The following ESRRB variants were observed in gnomAD, a reference collection of about 807,000 sequenced individuals.
The protein encoded by ESRRB is steroid hormone receptor ERR2.
ESRRB carries 16 observed loss-of-function variants against 46.0 expected under a neutral mutation model. The ratio of observed to expected loss-of-function variants is 0.35; its 90% confidence interval spans 0.24 to 0.53. The LOEUF is 0.53. Among genes scored for constraint, ESRRB ranks in the 20% least tolerant of loss-of-function variants. The probability of loss-of-function intolerance (pLI) is 0.93; values close to 1 mark genes in which losing one functional copy is unlikely to be tolerated. For synonymous variants in ESRRB, 246 were observed against 259.6 expected (o/e 0.95, Z 0.50); for missense variants, 488 against 607.4 (o/e 0.80, Z 2.07).
At chr14:76,474,899 G>A (rs1488024440) in intron 3 of ESRRB, among the ~76,000 whole-genome samples, 1 of 151,730 alleles carries the variant, frequency 6.6e-6, no homozygotes, top group Non-Finnish European at 1.5e-5. Flanking sequence ...TCCAGCCTGG[G>A]CAACATAGTG....
At position 76,351,962 on chromosome 14, in the gene ESRRB, G is replaced by C. The variant is rs546571069; in HGVS notation, c.2+41046G>C. ...ATGGCACTACTGCACTCGAGCCTGGGAGACAGAGTGAGACCCAGTCTCTTA... is the reference window on the plus strand; with the variant it reads ...ATGGCACTACTGCACTCGAGCCTGGCAGACAGAGTGAGACCCAGTCTCTTA... On this transcript the variant is annotated intron_variant, in intron 1 of 6. Coordinates refer to the ESRRB transcript ENST00000512784. Among the ~76,000 whole-genome samples, 122 of 141,144 alleles carry C rather than the reference G, an allele frequency of 8.6e-4. 1 individual carries two copies. Among genetic ancestry groups the C allele is most frequent in the African/African-American group, 3.2e-3 (119 of 37,046 alleles). The allele number at this position is 141,144 out of a possible 152,430, so 92.6% of individuals were successfully genotyped here.
chr14:76,448,502 ATT>A (rs57449056), intron 2 of ESRRB, among the ~76,000 whole-genome samples: 3 of 144,556 alleles, frequency 2.1e-5, no homozygotes, highest in African/African-American at 2.5e-5. Flanking sequence ...CTAATTTTGT[ATT>A]TTTTTTTTTT....
At chr14:76,361,303 G>A (rs1400043052) in intron 1 of ESRRB, among the ~76,000 whole-genome samples, 1 of 152,196 alleles carries the variant, frequency 6.6e-6, no homozygotes, top group Admixed American at 6.5e-5. Context: ...CTTATGATGG[G>A]AGGCTGGGAT....
At chr14:76,469,919 G>GTTTT (rs1566603692) in intron 3 of ESRRB, among the ~76,000 whole-genome samples, 2 of 84,524 alleles carry the variant, frequency 2.4e-5, no homozygotes, top group African/African-American at 4.7e-5. Flanking sequence ...ACTAGGCTGT[G>GTTTT]TTTTTTGTTG....
At chr14:76,495,762 AT>A (rs1374769711) in intron 6 of ESRRB, among the ~76,000 whole-genome samples, 2 of 152,218 alleles carry the variant, frequency 1.3e-5, no homozygotes, top group Non-Finnish European at 2.9e-5. Context: ...TATTAAAAAA[AT>A]GAAATTAAAA....
intron 1 of ESRRB, among the ~76,000 whole-genome samples, chr14:76,354,017 T>C (rs1050897173): frequency 2.6e-5 from 4 of 152,116 alleles, no homozygotes; most frequent in African/African-American, 9.7e-5. Context: ...TGCAGGGGTT[T>C]GAACCCTAGC....
intron 3 of ESRRB, among the ~76,000 whole-genome samples, chr14:76,480,742 A>G (rs1400828847): frequency 6.6e-6 from 1 of 152,172 alleles, no homozygotes; most frequent in Admixed American, 6.5e-5. Context: ...CTCCCCATCT[A>G]GGAAGTACCA....
chr14:76,428,214 T>C (rs1887283693), intron 1 of ESRRB, among the ~76,000 whole-genome samples: 1 of 152,128 alleles, frequency 6.6e-6, no homozygotes, highest in Non-Finnish European at 1.5e-5. Flanking sequence ...GTCAGGCTGG[T>C]CTCGAACTCC....
chr14:76,355,253 G>A lies in ESRRB; in HGVS notation c.2+44337G>A, dbSNP rs567210319. Reference sequence around the variant, plus strand: ...GATAGGGACAGCTACCAGGGCTGGGGATGCTGCTCTATAGGGCAGCTTGGG... The same window carrying A: ...GATAGGGACAGCTACCAGGGCTGGGAATGCTGCTCTATAGGGCAGCTTGGG... On this transcript the variant is annotated intron_variant, in intron 1 of 6. Coordinates refer to the ESRRB transcript ENST00000512784. 2.0e-5 allele frequency among the ~76,000 whole-genome samples: 3 copies of A among 152,312 alleles called. No individual in the cohort carries two copies. In the South Asian group the frequency reaches 6.2e-4, roughly 32 times the overall value.
At chr14:76,462,484 G>A (rs1219467305) in intron 2 of ESRRB, 61 bp from the exon 3 acceptor site, 15 of 1,283,934 alleles carry the variant, frequency 1.2e-5, no homozygotes, top group East Asian at 7.0e-5. Context: ...CCAGCCCTGC[G>A]CTGGCAGGTG....
intron 1 of ESRRB, among the ~76,000 whole-genome samples, chr14:76,322,803 C>A (rs570995257): frequency 2.6e-4 from 40 of 152,318 alleles, no homozygotes; most frequent in African/African-American, 9.4e-4. Flanking sequence ...TCCTCGCCCA[C>A]TCTCCTGTGA....
chr14:76,485,514 T>C (rs1889973542), intron 5 of ESRRB, among the ~76,000 whole-genome samples: 2 of 152,078 alleles, frequency 1.3e-5, no homozygotes, highest in Admixed American at 1.3e-4. Context: ...AGTGCTGGGA[T>C]TATAGGCGTG....
At chr14:76,343,031 C>T (rs1312812032) in intron 1 of ESRRB, among the ~76,000 whole-genome samples, 1 of 152,138 alleles carries the variant, frequency 6.6e-6, no homozygotes, top group Non-Finnish European at 1.5e-5. Flanking sequence ...AGAAGATCCC[C>T]TAGACAGGGC....
Position 76,491,462 on chromosome 14 carries a change from C to A in ESRRB, c.866C>A (p.Ser289Tyr). 6.2e-7 allele frequency: 1 copy of A among 1,608,636 alleles called. No homozygotes were observed. Among genetic ancestry groups the A allele is most frequent in the South Asian group, 1.1e-5 (1 of 89,826 alleles). ...AKHIPGFSSL[S>Y]LGDQMSLLQS... ...CTTCCTGCAGGCTTCTCAAGCCTCT[C>A]CCTGGGGGACCAGATGAGCCTGCTG... Residue 289 changes from serine to tyrosine, a missense_variant, in exon 6 of 7, where the codon TCC becomes TAC. By Grantham distance (144) the Ser-to-Tyr change is moderately radical (BLOSUM62 -2). Transcript: ENST00000644823.
intron 1 of ESRRB, among the ~76,000 whole-genome samples, chr14:76,438,714 G>T (rs1032198826): frequency 6.6e-5 from 10 of 152,030 alleles, no homozygotes; most frequent in East Asian, 1.9e-4. Context: ...ATGCAGGAAG[G>T]TTGGCCAAAC....
intron 2 of ESRRB, among the ~76,000 whole-genome samples, chr14:76,444,939 G>T (rs1169214478): frequency 6.6e-6 from 1 of 152,026 alleles, no homozygotes; most frequent in African/African-American, 2.4e-5. Context: ...GAGGCAGGAG[G>T]ATCCCTTGAA....
intron 2 of ESRRB, among the ~76,000 whole-genome samples, chr14:76,452,658 A>C (rs543763661): frequency 6.5e-4 from 97 of 150,050 alleles, no homozygotes; most frequent in Middle Eastern, 3.4e-3. Context: ...CAAAACAAAA[A>C]AAAAGGTGGA....
At chr14:76,351,986 T>TAAAAA (rs201356393) in intron 1 of ESRRB, among the ~76,000 whole-genome samples, 32 of 91,768 alleles carry the variant, frequency 3.5e-4, no homozygotes, top group African/African-American at 1.4e-3. Context: ...CCCAGTCTCT[T>TAAAAA]AAAAAAAAAA....
intron 2 of ESRRB, among the ~76,000 whole-genome samples, chr14:76,451,838 G>T (rs142762834): frequency 6.9e-6 from 1 of 145,026 alleles, no homozygotes; most frequent in African/African-American, 2.6e-5. Flanking sequence ...TCACTGTGTT[G>T]GCCAGGCTGA....
Sources: allele counts gnomAD v4.1 joint callset (sites outside exome capture counted in the v4.1 genomes callset), GRCh38; gene constraint gnomAD v4.1.1; transcripts MANE v1.5; gene names NCBI Gene and HGNC (gene_info 2026-07-23, HGNC 2026-07-21).